The following SLC25A53 variants were observed in gnomAD, a reference collection of about 807,000 sequenced individuals.
SLC25A53 encodes the protein solute carrier family 25 member 53, also known as mitochondrial carrier triple repeat protein 6.
SLC25A53 carries 5 observed loss-of-function variants against 15.0 expected under a neutral mutation model. The observed-to-expected ratio is 0.33, with a 90% CI of 0.17 to 0.70. SLC25A53 has a LOEUF of 0.70. SLC25A53 is among the 30% of genes least tolerant of loss of function. SLC25A53 has a pLI of 0.67. For synonymous variants in SLC25A53, 95 were observed against 100.0 expected (o/e 0.95, Z 0.30); for missense variants, 216 against 241.6 (o/e 0.89, Z 0.70).
At chrX:104,123,681 T>C (rs1427020685) in intron 1 of SLC25A53, among the ~76,000 whole-genome samples, 1 of 110,716 alleles carries the variant, frequency 9.0e-6, no homozygotes, top group African/African-American at 3.3e-5. Context: ...TCATCTACAT[T>C]AGGTATTTCT....
chrX:104,123,631 T>C (rs1284735090), intron 1 of SLC25A53, among the ~76,000 whole-genome samples: 2 of 110,500 alleles, frequency 1.8e-5, no homozygotes, highest in Non-Finnish European at 3.8e-5. Context: ...GTTACATAGG[T>C]ATACACGTGC....
rs1368834611 is a variant in SLC25A53 at position 104,146,572 on chromosome X, C to A, written c.-32+10306G>T. 9.8e-5 allele frequency among the ~76,000 whole-genome samples: 11 copies of A among 111,773 alleles called. No homozygotes were observed. The South Asian group carries it at 1.9e-3, about 19-fold the overall frequency. On this transcript the variant is annotated intron_variant, in intron 1 of 1. Coordinates refer to ENST00000594199, the MANE Select transcript of SLC25A53 (RefSeq NM_001012755.5). ...CTAGAAAACCCCATCGTCTCAGCCC[C>A]AAATCTCCTTAAGCTGATAAGCAGC...
intron 1 of SLC25A53, among the ~76,000 whole-genome samples, chrX:104,110,926 A>C (rs1221463308): frequency 8.9e-6 from 1 of 112,938 alleles, no homozygotes; most frequent in Admixed American, 9.3e-5. Context: ...GGCTTGAAGA[A>C]GGAAGACGTT....
In SLC25A53 at chrX:104,105,177, A is replaced by G. The variant is rs147788919; in HGVS notation, c.81T>C (p.His27=). ...CGGCCCCAAGGGCATAGGCCTGGGA[A>G]TGCCAGCTTTTCTTTCCTGGAGCCT... is the stretch of plus-strand genomic sequence containing the variant. The part of the protein sequence containing the change: ...RAEAPGKKSW[H]SQAYALGAVS... Residue 27 remains histidine, a synonymous_variant, in exon 2 of 2, where the codon CAT becomes CAC. Transcript: ENST00000594199. 3.2e-4 allele frequency: 393 copies of G among 1,210,790 alleles called. No individual in the cohort carries two copies. Among genetic ancestry groups the G allele is most frequent in the South Asian group, 1.2e-3 (70 of 56,894 alleles).
chrX:104,102,091 A>T lies in SLC25A53; in HGVS notation c.*2243T>A, dbSNP rs1342881768. 8.9e-6 allele frequency: 1 copy of T among 111,884 alleles called. No individual in the cohort carries two copies. The highest frequency in any genetic ancestry group is 3.8e-4 in the South Asian group (1 of 2,658). The allele number at this position is 111,884 out of a possible 1,213,427, so 9.2% of individuals were successfully genotyped here. ...TCTGCAGATGTGGAAGCTCATCTTC[A>T]GCTCTCCTGGACCAGCCATTTTCTG... is the stretch of plus-strand genomic sequence containing the variant. On this transcript the variant is annotated 3_prime_UTR_variant, in exon 2 of 2. Transcript: ENST00000594199.
chrX:104,121,905 ATATATATAT>A (rs2075394829), intron 1 of SLC25A53, among the ~76,000 whole-genome samples: 1 of 30,026 alleles, frequency 3.3e-5, no homozygotes, highest in African/African-American at 1.0e-4. Context: ...ATATATATAT[ATATATATAT>A]ATATATATAT....
intron 1 of SLC25A53, among the ~76,000 whole-genome samples, chrX:104,155,511 T>C (rs1296717104): frequency 1.8e-5 from 2 of 111,769 alleles, no homozygotes; most frequent in African/African-American, 6.5e-5. Context: ...TAGACTGCTA[T>C]ACTGTTGTTT....
At position 104,103,575 on chromosome X, in the gene SLC25A53, G is replaced by A. The variant is rs782167821; in HGVS notation, c.*759C>T. On this transcript the variant is annotated 3_prime_UTR_variant, in exon 2 of 2. Transcript: ENST00000594199. Reference sequence around the variant, plus strand: ...CAGGTTTCTTAGGGAAACTCAAACGGTTTCTAGGCAATGTTATCACCTTGC... The same window carrying A: ...CAGGTTTCTTAGGGAAACTCAAACGATTTCTAGGCAATGTTATCACCTTGC... 3.8e-4 allele frequency: 43 copies of A among 112,097 alleles called. No individual in the cohort carries two copies. Among genetic ancestry groups the A allele is most frequent in the African/African-American group, 1.4e-3 (43 of 30,900 alleles). The allele number at this position is 112,097 out of a possible 1,213,427, so 9.2% of individuals were successfully genotyped here. A position where few individuals can be genotyped will look rare whatever the true frequency, so the allele number is the denominator to read the frequency against.
intron 1 of SLC25A53, chrX:104,114,861 C>T (rs1556360754): frequency 8.3e-7 from 1 of 1,206,244 alleles, no homozygotes; most frequent in Non-Finnish European, 1.1e-6. Flanking sequence ...CATTTCAGGG[C>T]GCCCAGCCAA....
At chrX:104,111,780 T>C (rs782711383) in intron 1 of SLC25A53, among the ~76,000 whole-genome samples, 152 of 112,169 alleles carry the variant, frequency 1.4e-3, no homozygotes, top group Admixed American at 3.3e-3. Context: ...CTGTAACTTA[T>C]TTGCTGCAGG....
intron 1 of SLC25A53, among the ~76,000 whole-genome samples, chrX:104,127,361 T>C (rs1023774371): frequency 1.5e-4 from 17 of 111,573 alleles, no homozygotes; most frequent in Non-Finnish European, 2.4e-4. Flanking sequence ...GTGGGTATGA[T>C]TATGAAGGGG....
intron 1 of SLC25A53, among the ~76,000 whole-genome samples, chrX:104,106,188 T>A (rs1312463536): frequency 1.8e-5 from 2 of 110,111 alleles, no homozygotes; most frequent in African/African-American, 6.6e-5. Context: ...CTAGATAGAA[T>A]AGGCAGTGCA....
At chrX:104,155,554 C>T (rs982043615) in intron 1 of SLC25A53, among the ~76,000 whole-genome samples, 1 of 111,421 alleles carries the variant, frequency 9.0e-6, no homozygotes, top group Admixed American at 9.6e-5. Flanking sequence ...TTTTCTTGTT[C>T]AGAGAAATAT....
chrX:104,128,194 GAC>G (rs2075416283), intron 1 of SLC25A53, among the ~76,000 whole-genome samples: 1 of 111,308 alleles, frequency 9.0e-6, no homozygotes, highest in African/African-American at 3.3e-5. Context: ...TTTCTAAAGT[GAC>G]AGTTATTTTA....
At chrX:104,127,605 A>G (rs782594811) in intron 1 of SLC25A53, among the ~76,000 whole-genome samples, 2 of 112,171 alleles carry the variant, frequency 1.8e-5, no homozygotes, top group South Asian at 3.7e-4. Flanking sequence ...TTTCAGGTAC[A>G]TGGGACTCTG....
At chrX:104,117,911 G>A (rs1260989445) in intron 1 of SLC25A53, among the ~76,000 whole-genome samples, 2 of 112,014 alleles carry the variant, frequency 1.8e-5, no homozygotes, top group Non-Finnish European at 3.8e-5. Flanking sequence ...GAGTTAGCTT[G>A]GAGGTTCAAG....
In SLC25A53 at chrX:104,099,643, T is replaced by C. The variant is rs1438001839; in HGVS notation, c.*4691A>G. ...TTTGAACATCTGTAAAACAAAACTG[T>C]TGTTTAGAGATGCTTATAAGGAAGA... On this transcript the variant is annotated 3_prime_UTR_variant, in exon 2 of 2. Coordinates refer to ENST00000594199, the MANE Select transcript of SLC25A53 (RefSeq NM_001012755.5). 1.8e-5 allele frequency: 2 copies of C among 112,028 alleles called. No individual in the cohort carries two copies. Among genetic ancestry groups the C allele is most frequent in the African/African-American group, 3.2e-5 (1 of 30,806 alleles). 9.2% of individuals were successfully genotyped at this position (112,028 alleles called of 1,213,427 possible). A position where few individuals can be genotyped will look rare whatever the true frequency, so the allele number is the denominator to read the frequency against.
intron 1 of SLC25A53, among the ~76,000 whole-genome samples, chrX:104,133,621 G>A (rs1204661859): frequency 8.9e-6 from 1 of 111,781 alleles, no homozygotes; most frequent in African/African-American, 3.3e-5. Context: ...AAACACATCT[G>A]CATTGATTCC....
chrX:104,107,066 C>T (rs1409326790), intron 1 of SLC25A53, among the ~76,000 whole-genome samples: 1 of 108,350 alleles, frequency 9.2e-6, no homozygotes, highest in Admixed American at 9.8e-5. Context: ...ATCCATATCC[C>T]ACAGTCTCAT....
Sources: allele counts gnomAD v4.1 joint callset (sites outside exome capture counted in the v4.1 genomes callset), GRCh38; gene constraint gnomAD v4.1.1; transcripts MANE v1.5; gene names NCBI Gene and HGNC (gene_info 2026-07-23, HGNC 2026-07-21).